Variants in GALNTL6 observed in about 807,000 individuals in gnomAD.
The protein encoded by GALNTL6 is polypeptide N-acetylgalactosaminyltransferase-like 6.
A neutral mutation model predicts 73.7 loss-of-function variants in GALNTL6; 46 were observed. The ratio of observed to expected loss-of-function variants is 0.62; its 90% CI spans 0.49 to 0.80. The LOEUF (loss-of-function observed/expected upper bound fraction) is 0.80. GALNTL6 is among the 30% of genes least tolerant of loss of function. The probability of loss-of-function intolerance (pLI) is 0.00; values close to 1 mark genes in which losing one functional copy is unlikely to be tolerated. For missense variants in GALNTL6, 604 were observed against 755.0 expected, an observed-to-expected ratio of 0.80 and a Z score of 2.34; for synonymous variants, 259 against 263.7, an observed-to-expected ratio of 0.98 and a Z score of 0.17.
intron 7 of GALNTL6, among the ~76,000 whole-genome samples, chr4:172,850,787 T>C (rs1294960263): frequency 6.6e-6 from 1 of 152,152 alleles, no homozygotes; most frequent in Admixed American, 6.5e-5. Context: ...CTAGTAAGGC[T>C]CATAGATCTC....
chr4:172,738,985 C>T (rs1736634850), intron 5 of GALNTL6, among the ~76,000 whole-genome samples: 1 of 152,126 alleles, frequency 6.6e-6, no homozygotes, highest in African/African-American at 2.4e-5. Flanking sequence ...ATGAAGCCTC[C>T]AGGTAGCAGG....
At chr4:172,098,719 T>A (rs1336276923) in intron 2 of GALNTL6, among the ~76,000 whole-genome samples, 1 of 152,190 alleles carries the variant, frequency 6.6e-6, no homozygotes, top group Non-Finnish European at 1.5e-5. Flanking sequence ...TTCTTGCCAT[T>A]TTCTTGGCCA....
chr4:172,882,937 T>G, intron 8 of GALNTL6, 30 bp downstream of exon 8: 1 of 1,160,786 alleles, frequency 8.6e-7, no homozygotes, highest in Non-Finnish European at 1.3e-6. Context: ...TCACACTATA[T>G]CTGTATAATT....
At chr4:172,186,993 A>G (rs1308148725) in intron 2 of GALNTL6, among the ~76,000 whole-genome samples, 12 of 152,134 alleles carry the variant, frequency 7.9e-5, no homozygotes, top group African/African-American at 2.7e-4. Context: ...ATTGCCCACT[A>G]AGTAGAATAT....
chr4:172,775,821 T>C (rs1739041880), intron 5 of GALNTL6, among the ~76,000 whole-genome samples: 2 of 152,132 alleles, frequency 1.3e-5, no homozygotes, highest in Non-Finnish European at 2.9e-5. Flanking sequence ...AGATTCTCTT[T>C]GAGGGATTGA....
chr4:172,937,173 C>A (rs563738120), intron 9 of GALNTL6, among the ~76,000 whole-genome samples: 1 of 151,666 alleles, frequency 6.6e-6, no homozygotes, highest in South Asian at 2.1e-4. Context: ...CAGGAAGTAT[C>A]AGGATAAAAA....
intron 2 of GALNTL6, among the ~76,000 whole-genome samples, chr4:172,111,459 T>C (rs540688945): frequency 6.6e-6 from 1 of 152,060 alleles, no homozygotes; most frequent in Non-Finnish European, 1.5e-5. Context: ...AAAAAATCAG[T>C]ACAGAAAAGA....
At chr4:172,581,870 G>T (rs1170546989) in intron 5 of GALNTL6, among the ~76,000 whole-genome samples, 4 of 152,226 alleles carry the variant, frequency 2.6e-5, no homozygotes, top group Non-Finnish European at 5.9e-5. Flanking sequence ...GGAGGTAAAA[G>T]TCTTTGATCT....
intron 5 of GALNTL6, among the ~76,000 whole-genome samples, chr4:172,451,700 A>C (rs1419059017): frequency 6.6e-6 from 1 of 152,164 alleles, no homozygotes; most frequent in Non-Finnish European, 1.5e-5. Context: ...ATCAGCAAAC[A>C]ATTTAAAAAC....
chr4:172,374,475 G>C (rs962777395), intron 5 of GALNTL6, among the ~76,000 whole-genome samples: 9 of 152,208 alleles, frequency 5.9e-5, no homozygotes, highest in African/African-American at 2.2e-4. Flanking sequence ...GGTGACAGGG[G>C]AGTATATTTT....
intron 2 of GALNTL6, among the ~76,000 whole-genome samples, chr4:172,022,648 G>A (rs1741441945): frequency 6.6e-6 from 1 of 151,780 alleles, no homozygotes; most frequent in Non-Finnish European, 1.5e-5. Context: ...TAGATCTCAT[G>A]ATTCTGTCCT....
At chr4:172,228,747 A>G (rs150146565) in intron 2 of GALNTL6, among the ~76,000 whole-genome samples, 289 of 152,332 alleles carry the variant, frequency 1.9e-3, no homozygotes, top group Middle Eastern at 0.01. Context: ...CTTATTTTAC[A>G]TTATCTTGAC....
chr4:172,184,333 T>TGCAATTTGGGA (rs1232410633), intron 2 of GALNTL6, among the ~76,000 whole-genome samples: 1 of 152,120 alleles, frequency 6.6e-6, no homozygotes, highest in Non-Finnish European at 1.5e-5. Flanking sequence ...CATCACCCTG[T>TGCAATTTGGGA]GCAATTTGGG....
chr4:172,334,803 G>T (rs1181165061), intron 4 of GALNTL6, among the ~76,000 whole-genome samples: 1 of 152,064 alleles, frequency 6.6e-6, no homozygotes, highest in East Asian at 1.9e-4. Flanking sequence ...TCTTTTTCCT[G>T]TTCTTAAGAG....
intron 2 of GALNTL6, among the ~76,000 whole-genome samples, chr4:171,954,041 T>G (rs978155399): frequency 6.6e-6 from 1 of 152,150 alleles, no homozygotes; most frequent in African/African-American, 2.4e-5. Flanking sequence ...GACCAGAAAA[T>G]CTACTCACAA....
In GALNTL6 at chr4:173,021,639, C is replaced by T. The variant is rs759097427; in HGVS notation, c.1638+14C>T. ...GGATACCGGAAGGTAAGAGTCAGTC[C>T]ACTGTGGTCATTCTCAAATTACTGT... is the stretch of plus-strand genomic sequence containing the variant. On this transcript the variant is annotated intron_variant, in intron 12 of 12. Coordinates refer to ENST00000506823, the MANE Select transcript of GALNTL6 (RefSeq NM_001034845.3). 3.1e-6 allele frequency: 5 copies of T among 1,611,546 alleles called. No individual in the cohort carries two copies. Among genetic ancestry groups the T allele is most frequent in the Non-Finnish European group, 4.2e-6 (5 of 1,178,742 alleles).
intron 5 of GALNTL6, among the ~76,000 whole-genome samples, chr4:172,458,231 G>A (rs1018262283): frequency 3.3e-5 from 5 of 151,786 alleles, no homozygotes; most frequent in Non-Finnish European, 7.4e-5. Flanking sequence ...GTGTGTAGAA[G>A]GAAATTTATA....
At chr4:172,889,210 G>A (rs529877009) in intron 8 of GALNTL6, among the ~76,000 whole-genome samples, 3 of 152,216 alleles carry the variant, frequency 2.0e-5, no homozygotes, top group East Asian at 1.9e-4. Context: ...AGTGAAGAGC[G>A]ATAATTTAAC....
intron 5 of GALNTL6, among the ~76,000 whole-genome samples, chr4:172,650,494 G>T (rs78899113): frequency 6.6e-6 from 1 of 152,150 alleles, no homozygotes. Context: ...CTTAGCATTA[G>T]TGAGATCAAA....
Sources: allele counts gnomAD v4.1 joint callset (sites outside exome capture counted in the v4.1 genomes callset), GRCh38; gene constraint gnomAD v4.1.1; transcripts MANE v1.5; gene names NCBI Gene and HGNC (gene_info 2026-07-23, HGNC 2026-07-21).